Variants in STXBP5L observed in about 807,000 individuals in gnomAD.
The protein encoded by STXBP5L is syntaxin-binding protein 5-like.
A neutral mutation model predicts 144.5 loss-of-function variants in STXBP5L; 65 were observed. The observed-to-expected ratio is 0.45, with a 90% CI of 0.37 to 0.55. The LOEUF is 0.55. Ranked by LOEUF, STXBP5L falls within the 20% of genes least tolerant of loss-of-function variation. STXBP5L has a pLI of 0.00. For missense variants in STXBP5L, 1,298 were observed against 1,405.5 expected, an observed-to-expected ratio of 0.92 and a Z score of 1.22; for synonymous variants, 505 against 469.6, an observed-to-expected ratio of 1.08 and a Z score of -0.97.
chr3:121,191,605 G>T (rs2047687553), intron 9 of STXBP5L, among the ~76,000 whole-genome samples: 1 of 152,158 alleles, frequency 6.6e-6, no homozygotes, highest in South Asian at 2.1e-4. Flanking sequence ...GAAAGTCATT[G>T]GTAGCTTGAT....
chr3:121,282,865 G>A (rs975224381), intron 19 of STXBP5L, among the ~76,000 whole-genome samples: 8 of 151,762 alleles, frequency 5.3e-5, no homozygotes, highest in Middle Eastern at 3.2e-3. Flanking sequence ...GTGATTTAAG[G>A]CACTCAGACA....
intron 19 of STXBP5L, among the ~76,000 whole-genome samples, chr3:121,284,658 A>T (rs2108449249): frequency 6.6e-6 from 1 of 152,236 alleles, no homozygotes; most frequent in South Asian, 2.1e-4. Flanking sequence ...ATTCTCTCAC[A>T]TGAACTGCCA....
At chr3:121,193,815 G>A (rs1009905993) in intron 9 of STXBP5L, among the ~76,000 whole-genome samples, 1 of 152,054 alleles carries the variant, frequency 6.6e-6, no homozygotes, top group Non-Finnish European at 1.5e-5. Flanking sequence ...ATGCATGGGG[G>A]CCTGTCATGG....
chr3:121,269,706 G>C (rs552305772), intron 18 of STXBP5L, among the ~76,000 whole-genome samples: 1 of 152,226 alleles, frequency 6.6e-6, no homozygotes, highest in African/African-American at 2.4e-5. Context: ...ATATTCTCTG[G>C]GGAAGAAGAG....
At chr3:121,137,324 CAAAT>C (rs1267933420) in intron 7 of STXBP5L, among the ~76,000 whole-genome samples, 5 of 151,732 alleles carry the variant, frequency 3.3e-5, no homozygotes, top group Admixed American at 6.6e-5. Context: ...GAATGAAGAC[CAAAT>C]AAATAAAATC....
rs147486885 is a variant in STXBP5L at position 121,116,182 on chromosome 3, T to G, written c.605+1123T>G. Among the ~76,000 whole-genome samples the G allele has an allele frequency of 7.3e-3, 1,116 of 152,280 alleles. 13 individuals carry two copies. The highest frequency in any genetic ancestry group is 0.026 in the African/African-American group (1,071 of 41,574). ...TAACACGTTTATGCTCTCTACATAT[T>G]AGGTCCTTGATAAGATGTTTGACTT... On this transcript the variant is annotated intron_variant, in intron 6 of 26. Transcript: ENST00000471454.
chr3:121,413,817 G>C lies in STXBP5L; in HGVS notation c.3114+494G>C, dbSNP rs1041134207. On this transcript the variant is annotated intron_variant, in intron 24 of 26. Coordinates refer to ENST00000471454, the MANE Select transcript of STXBP5L (RefSeq NM_001308330.2). ...GATAGATATAAATGTCTAACCTTCT[G>C]TAAGAATGGTCACAACATTTTTTAA... Among the ~76,000 whole-genome samples, 5 of 152,178 alleles carry C rather than the reference G, an allele frequency of 3.3e-5. No homozygotes were observed. In the East Asian group the frequency reaches 7.7e-4, roughly 23 times the overall value.
chr3:121,308,409 G>A (rs77104004), intron 19 of STXBP5L, among the ~76,000 whole-genome samples: 15,164 of 152,126 alleles, frequency 0.1, 948 homozygotes, highest in Non-Finnish European at 0.14. Context: ...AGTTTTTCAG[G>A]CTGAAAGAAA....
chr3:121,345,051 G>A (rs2044899197), intron 20 of STXBP5L, among the ~76,000 whole-genome samples: 1 of 151,810 alleles, frequency 6.6e-6, no homozygotes, highest in South Asian at 2.1e-4. Context: ...GGGTACATGT[G>A]CACAACATGC....
At chr3:121,023,115 T>C (rs1335741627) in intron 3 of STXBP5L, among the ~76,000 whole-genome samples, 1 of 151,876 alleles carries the variant, frequency 6.6e-6, no homozygotes, top group Non-Finnish European at 1.5e-5. Context: ...AGTTACCAAG[T>C]TGAGAATGAA....
At chr3:121,306,023 C>G (rs947722395) in intron 19 of STXBP5L, among the ~76,000 whole-genome samples, 1 of 152,110 alleles carries the variant, frequency 6.6e-6, no homozygotes. Flanking sequence ...ATACCATGTA[C>G]AGGATAGACT....
chr3:121,048,416 A>G (rs1191386322), intron 5 of STXBP5L, among the ~76,000 whole-genome samples: 1 of 152,228 alleles, frequency 6.6e-6, no homozygotes, highest in Non-Finnish European at 1.5e-5. Context: ...GGACGTTTTC[A>G]TGGGTGATAT....
At chr3:120,989,673 TTTG>T (rs1163991303) in intron 3 of STXBP5L, among the ~76,000 whole-genome samples, 2 of 152,200 alleles carry the variant, frequency 1.3e-5, no homozygotes, top group Non-Finnish European at 2.9e-5. Context: ...TCTACTAGTT[TTTG>T]TTTTACGTAT....
chr3:121,244,773 A>G (rs1461651161), intron 14 of STXBP5L, among the ~76,000 whole-genome samples: 1 of 152,138 alleles, frequency 6.6e-6, no homozygotes, highest in African/African-American at 2.4e-5. Flanking sequence ...AGGGAGTGGG[A>G]TAATATACTC....
chr3:121,051,463 G>C (rs1576784650), intron 5 of STXBP5L, among the ~76,000 whole-genome samples: 1 of 152,300 alleles, frequency 6.6e-6, no homozygotes, highest in East Asian at 1.9e-4. Context: ...CATGGAAACT[G>C]AACAACCTGC....
chr3:120,986,958 G>A (rs373508366), intron 3 of STXBP5L, among the ~76,000 whole-genome samples: 2 of 151,962 alleles, frequency 1.3e-5, no homozygotes, highest in East Asian at 3.8e-4. Flanking sequence ...ACACCATCAA[G>A]TGGACCAACA....
chr3:121,151,563 C>G (rs1344288357), intron 7 of STXBP5L, among the ~76,000 whole-genome samples: 1 of 152,030 alleles, frequency 6.6e-6, no homozygotes, highest in Non-Finnish European at 1.5e-5. Context: ...TCTGTTCTTA[C>G]CAATGGTTTT....
At chr3:121,195,238 T>C (rs1000391499) in intron 9 of STXBP5L, among the ~76,000 whole-genome samples, 8 of 152,102 alleles carry the variant, frequency 5.3e-5, no homozygotes, top group African/African-American at 1.9e-4. Context: ...CTCTTGATTA[T>C]AATAATGTTA....
chr3:121,050,273 T>C (rs1446006695), intron 5 of STXBP5L, among the ~76,000 whole-genome samples: 1 of 152,214 alleles, frequency 6.6e-6, no homozygotes. Context: ...AAGGAATTTA[T>C]ATTTTAGAAA....
Sources: gnomAD v4.1 joint callset for allele counts (sites outside exome capture counted in the v4.1 genomes callset) on GRCh38, gnomAD v4.1.1 for gene constraint, MANE v1.5 for transcripts, NCBI Gene and HGNC (gene_info 2026-07-23, HGNC 2026-07-21) for gene names.